Variants in GRIK2 observed in about 807,000 individuals in gnomAD.
The protein encoded by GRIK2 is glutamate ionotropic receptor kainate type subunit 2, also known as glutamate receptor ionotropic, kainate 2.
GRIK2 carries 32 observed loss-of-function variants against 100.3 expected under a neutral mutation model. The ratio of observed to expected loss-of-function variants is 0.32; its 90% CI spans 0.24 to 0.43. GRIK2 has a LOEUF of 0.43. Ranked by LOEUF, GRIK2 falls within the 20% of genes least tolerant of loss-of-function variation. The pLI is 1.00. For synonymous variants in GRIK2, 417 were observed against 389.4 expected (o/e 1.07, Z -0.83); for missense variants, 843 against 1,114.9 (o/e 0.76, Z 3.47).
chr6:101,599,424 A>G (rs532348321), intron 2 of GRIK2, among the ~76,000 whole-genome samples: 2 of 151,638 alleles, frequency 1.3e-5, no homozygotes, highest in Non-Finnish European at 3.0e-5. Context: ...TTTCTTTTAG[A>G]TATATACCCA....
At chr6:101,491,670 A>T (rs1007020288) in intron 2 of GRIK2, among the ~76,000 whole-genome samples, 11 of 151,960 alleles carry the variant, frequency 7.2e-5, no homozygotes, top group Non-Finnish European at 1.3e-4. Context: ...TGACATCATG[A>T]TGGTTTACCC....
chr6:101,434,119 A>C (rs1443763738), intron 2 of GRIK2, among the ~76,000 whole-genome samples: 2 of 152,236 alleles, frequency 1.3e-5, no homozygotes, highest in Admixed American at 6.5e-5. Context: ...CTAACGTGCA[A>C]ATAACACAAA....
intron 2 of GRIK2, among the ~76,000 whole-genome samples, chr6:101,414,189 C>G (rs1416285067): frequency 6.6e-6 from 1 of 152,120 alleles, no homozygotes; most frequent in Non-Finnish European, 1.5e-5. Flanking sequence ...TATTTCTAAA[C>G]CTGTTGTTTG....
intron 9 of GRIK2, among the ~76,000 whole-genome samples, chr6:101,814,042 G>C (rs12333317): frequency 6.6e-6 from 1 of 151,790 alleles, no homozygotes; most frequent in African/African-American, 2.4e-5. Flanking sequence ...GATAATTTTC[G>C]TAGAGTAGAT....
chr6:101,640,689 T>G (rs1024524592), intron 4 of GRIK2, among the ~76,000 whole-genome samples: 18 of 152,166 alleles, frequency 1.2e-4, no homozygotes, highest in Middle Eastern at 3.4e-3. Flanking sequence ...AAAACACTGC[T>G]TGCTAGACTG....
intron 7 of GRIK2, among the ~76,000 whole-genome samples, chr6:101,728,291 A>G (rs550332332): frequency 6.6e-6 from 1 of 152,220 alleles, no homozygotes; most frequent in South Asian, 2.1e-4. Flanking sequence ...TAACAATAGT[A>G]TATCAAACCA....
At chr6:101,632,324 A>G (rs972103980) in intron 4 of GRIK2, among the ~76,000 whole-genome samples, 15 of 152,116 alleles carry the variant, frequency 9.9e-5, no homozygotes, top group Non-Finnish European at 1.8e-4. Context: ...CACACATCTG[A>G]GCAGGGTGAA....
intron 16 of GRIK2, 147 bp from the exon 17 acceptor site, chr6:102,068,200 G>C: frequency 3.4e-6 from 2 of 587,424 alleles, no homozygotes; most frequent in South Asian, 4.9e-5. Context: ...TTTAAAGTGT[G>C]ACATTTGTTA....
intron 2 of GRIK2, among the ~76,000 whole-genome samples, chr6:101,523,614 A>G (rs997950233): frequency 6.6e-6 from 1 of 152,160 alleles, no homozygotes; most frequent in African/African-American, 2.4e-5. Flanking sequence ...AAGATCTTCT[A>G]CTATATCTAC....
chr6:101,619,327 T>G (rs1780037071), intron 2 of GRIK2, among the ~76,000 whole-genome samples: 1 of 151,856 alleles, frequency 6.6e-6, no homozygotes, highest in Non-Finnish European at 1.5e-5. Context: ...AGCTATTTAT[T>G]TTTTAATTTA....
chr6:101,481,560 C>G (rs1772530508), intron 2 of GRIK2, among the ~76,000 whole-genome samples: 1 of 152,062 alleles, frequency 6.6e-6, no homozygotes, highest in Non-Finnish European at 1.5e-5. Context: ...TTTATTTTTA[C>G]CAACTGAAAT....
At chr6:101,877,732 CA>C (rs1373709595) in intron 11 of GRIK2, among the ~76,000 whole-genome samples, 2 of 151,996 alleles carry the variant, frequency 1.3e-5, no homozygotes, top group Non-Finnish European at 2.9e-5. Flanking sequence ...GATAACTTAG[CA>C]AGGAACTGAT....
Position 102,006,390 on chromosome 6 carries a change from A to ATATATATATTTTTTT in GRIK2, c.2086-28950_2086-28949insATATATATTTTTTTT, listed in dbSNP as rs1315524835. On this transcript the variant is annotated intron_variant, in intron 14 of 16. Coordinates refer to ENST00000369134, the MANE Select transcript of GRIK2 (RefSeq NM_021956.5). Reference sequence around the variant, plus strand: ...CTTTTATATATATATATATATATATATTTTTTTTTTTTTTGAGACATACAG... The same window carrying ATATATATATTTTTTT: ...CTTTTATATATATATATATATATATATATATATATTTTTTTTTTTTTTTTTTTTTGAGACATACAG... Among the ~76,000 whole-genome samples the ATATATATATTTTTTT allele has an allele frequency of 4.0e-3, 455 of 113,984 alleles. 1 individual carries two copies. Among genetic ancestry groups the ATATATATATTTTTTT allele is most frequent in the Non-Finnish European group, 6.2e-3 (377 of 60,938 alleles). The allele number at this position is 113,984 out of a possible 152,430, so 74.8% of individuals were successfully genotyped here.
intron 4 of GRIK2, among the ~76,000 whole-genome samples, chr6:101,670,149 T>C (rs1770323234): frequency 6.6e-6 from 1 of 152,056 alleles, no homozygotes; most frequent in Non-Finnish European, 1.5e-5. Flanking sequence ...TTAAAAAAAA[T>C]GCCAGAGTCA....
chr6:101,626,294 C>A, intron 3 of GRIK2, 86 bp from the exon 4 acceptor site: 3 of 1,158,996 alleles, frequency 2.6e-6, no homozygotes, highest in Non-Finnish European at 3.7e-6. Context: ...AGAATGATAC[C>A]TTTGGGTTTA....
chr6:101,879,859 C>T (rs528399436), intron 11 of GRIK2, among the ~76,000 whole-genome samples: 2 of 151,858 alleles, frequency 1.3e-5, no homozygotes, highest in African/African-American at 2.4e-5. Context: ...TGAGGTCTCA[C>T]GATTTCAAGC....
At chr6:102,066,508 T>C (rs1019905045) in intron 16 of GRIK2, among the ~76,000 whole-genome samples, 2 of 151,714 alleles carry the variant, frequency 1.3e-5, no homozygotes, top group Non-Finnish European at 3.0e-5. Flanking sequence ...CCTGGTCAAG[T>C]GGAAAGGGCT....
intron 3 of GRIK2, among the ~76,000 whole-genome samples, chr6:101,623,361 T>G (rs1014029052): frequency 1.9e-4 from 29 of 152,094 alleles, no homozygotes; most frequent in Non-Finnish European, 3.7e-4. Context: ...TGAAAGGTTT[T>G]GAAGACTGAG....
At chr6:101,421,345 A>G (rs1264068978) in intron 2 of GRIK2, among the ~76,000 whole-genome samples, 4 of 152,208 alleles carry the variant, frequency 2.6e-5, no homozygotes, top group African/African-American at 9.6e-5. Context: ...TTAGCATCGT[A>G]GAAGTTGGCT....
Sources: gnomAD v4.1 joint callset for allele counts (sites outside exome capture counted in the v4.1 genomes callset) on GRCh38, gnomAD v4.1.1 for gene constraint, MANE v1.5 for transcripts, NCBI Gene and HGNC (gene_info 2026-07-23, HGNC 2026-07-21) for gene names.